The following KIF1A variants were observed in gnomAD, a reference collection of about 807,000 sequenced individuals.
The protein encoded by KIF1A is kinesin family member 1A.
A neutral mutation model predicts 227.3 loss-of-function variants in KIF1A; 46 were observed. That is an observed-to-expected ratio of 0.20 (90% CI 0.16 to 0.26). The LOEUF (loss-of-function observed/expected upper bound fraction) is 0.26, where lower values mean the gene tolerates loss of function less well. KIF1A is among the 10% of genes least tolerant of loss of function. The pLI, the probability that KIF1A is intolerant of heterozygous loss-of-function variation, is 1.00. For missense variants in KIF1A, 1,683 were observed against 2,485.9 expected (o/e 0.68, Z 6.87); for synonymous variants, 1,022 against 1,012.8 (o/e 1.01, Z -0.17).
In KIF1A at chr2:240,782,187, C is replaced by G. The variant is rs190797026; in HGVS notation, c.882+403G>C. The G allele has an allele frequency of 7.6e-5, 75 of 985,362 alleles. No homozygotes were observed. In the East Asian group the frequency reaches 6.7e-3, roughly 88 times the overall value. The allele number at this position is 985,362 out of a possible 1,614,324, so 61.0% of individuals were successfully genotyped here. ...CACACGCGCCCGCCTCCCCCTGTGG[C>G]CCCGTCACGCCTACGGCTGCTCAGA... On this transcript the variant is annotated intron_variant, in intron 10 of 48. Transcript: ENST00000498729.
At chr2:240,741,514 A>G (rs1575555453) in intron 34 of KIF1A, 137 bp from the exon 35 acceptor site, 1 of 635,780 alleles carries the variant, frequency 1.6e-6, no homozygotes, top group Non-Finnish European at 2.6e-6. Flanking sequence ...AAGGGAAACA[A>G]CCAGCCAACC....
intron 27 of KIF1A, among the ~76,000 whole-genome samples, chr2:240,753,811 C>T (rs887157901): frequency 2.0e-5 from 3 of 152,186 alleles, no homozygotes; most frequent in Non-Finnish European, 4.4e-5. Flanking sequence ...TATACCTCAT[C>T]GCACAGAGGA....
At chr2:240,741,130 C>T (rs2047906610) in intron 35 of KIF1A, 139 bp downstream of exon 35, 4 of 616,340 alleles carry the variant, frequency 6.5e-6, no homozygotes, top group Non-Finnish European at 1.2e-5. Flanking sequence ...AGGCCGGGCC[C>T]ACAAGAGGTC....
intron 1 of KIF1A, among the ~76,000 whole-genome samples, chr2:240,814,467 C>A (rs2058175999): frequency 1.3e-5 from 2 of 152,012 alleles, no homozygotes; most frequent in South Asian, 4.2e-4. Context: ...ACTCATGCAC[C>A]CTTTCAAGGA....
chr2:240,772,342 A>C (rs2052117482), intron 14 of KIF1A, among the ~76,000 whole-genome samples: 1 of 152,178 alleles, frequency 6.6e-6, no homozygotes, highest in African/African-American at 2.4e-5. Context: ...CATGTAGACC[A>C]TATGGGTGGG....
At chr2:240,770,146 C>A (rs116324679) in intron 15 of KIF1A, among the ~76,000 whole-genome samples, 163 of 152,336 alleles carry the variant, frequency 1.1e-3, no homozygotes, top group African/African-American at 3.7e-3. Flanking sequence ...ACAGGCCCAA[C>A]CTCGCCCCCA....
rs1334700116 is a variant in KIF1A, at chr2:240,775,699, G to A, written c.958+152C>T. 6.6e-6 allele frequency among the ~76,000 whole-genome samples: 1 copy of A among 152,142 alleles called. No individual in the cohort carries two copies. Among genetic ancestry groups the A allele is most frequent in the Non-Finnish European group, 1.5e-5 (1 of 68,028 alleles). On this transcript the variant is annotated intron_variant, in intron 11 of 48. Transcript: ENST00000498729. This position sits in a 1 kb window ranked among gnomAD's most constrained non-coding sequence, Gnocchi z 5.5. Reference sequence around the variant, plus strand: ...GCCCCAGGTCCTCCAGAAGGGCCACGAACTGACTGGACCCTCCAGGTTCAC... The same window carrying A: ...GCCCCAGGTCCTCCAGAAGGGCCACAAACTGACTGGACCCTCCAGGTTCAC...
chr2:240,728,371 G>A, intron 38 of KIF1A: 1 of 1,297,494 alleles, frequency 7.7e-7, no homozygotes, highest in Non-Finnish European at 1.0e-6. Context: ...AAGGGCGGAA[G>A]AGAAAAGTGA....
At chr2:240,746,825 G>T (rs369768936) in intron 29 of KIF1A, among the ~76,000 whole-genome samples, 2 of 152,234 alleles carry the variant, frequency 1.3e-5, no homozygotes, top group East Asian at 1.9e-4. Flanking sequence ...GCAGCCTCAG[G>T]GGGGCAGCCC....
chr2:240,748,649 C>G (rs2048871523), intron 28 of KIF1A: 1 of 298,728 alleles, frequency 3.3e-6, no homozygotes, highest in Non-Finnish European at 7.2e-6. Context: ...TATTGCAGCC[C>G]TGGTAAACAC....
Position 240,760,801 on chromosome 2 carries a change from G to A in KIF1A, c.2308C>T (p.Pro770Ser), listed in dbSNP as rs1410756514. 2.5e-6 allele frequency: 4 copies of A among 1,607,052 alleles called. No homozygotes were observed. The highest frequency in any genetic ancestry group is 2.3e-5 in the East Asian group (1 of 44,302). ...GGGGGCAGCAGGTCGGGTGGCAGAG[G>A]GGAGTAGAGTGTGTCCGTCAGGAGG... ...FVLLTDTLYS[P>S]LPPDLLPPEA... is the part of the protein sequence containing the mutation. Residue 770 changes from proline (P) to serine (S), a missense_variant, in exon 25 of 49, where the codon CCT (proline) becomes TCT (serine). Physicochemically the swap from Pro to Ser is moderately conservative, Grantham distance 74. Transcript: ENST00000498729.
At chr2:240,719,985 C>T (rs979195520) in intron 45 of KIF1A, 59 bp from the exon 46 acceptor site, 2 of 1,508,720 alleles carry the variant, frequency 1.3e-6, no homozygotes, top group South Asian at 2.6e-5. Context: ...GGGCCGTCTT[C>T]CCCCAGGCTT....
intron 8 of KIF1A, among the ~76,000 whole-genome samples, 194 bp from the exon 9 acceptor site, chr2:240,783,303 C>T (rs1211515908): frequency 1.3e-5 from 2 of 152,164 alleles, no homozygotes; most frequent in Non-Finnish European, 2.9e-5. Flanking sequence ...GCATGTCCCC[C>T]AGTGTTGCCC....
intron 23 of KIF1A, among the ~76,000 whole-genome samples, chr2:240,762,444 CGT>C (rs1295550225): frequency 2.0e-5 from 3 of 152,204 alleles, no homozygotes; most frequent in Non-Finnish European, 4.4e-5. Context: ...TGTGTGTGCA[CGT>C]GTGTACATGT....
At chr2:240,812,504 TTGGGGATCCACCTTCACC>T (rs1185536429) in intron 1 of KIF1A, among the ~76,000 whole-genome samples, 83 of 151,854 alleles carry the variant, frequency 5.5e-4, no homozygotes, top group African/African-American at 1.9e-3. Context: ...TGCCTTCACC[TTGGGGATCCACCTTCACC>T]TGGGGATCCA....
intron 17 of KIF1A, among the ~76,000 whole-genome samples, chr2:240,768,631 A>T (rs1261978762): frequency 6.6e-6 from 1 of 152,120 alleles, no homozygotes; most frequent in East Asian, 1.9e-4. Flanking sequence ...TACACTCTGA[A>T]GCAGCTGCCC....
rs750539121 is a variant in KIF1A at position 240,788,234 on chromosome 2, G to A, written c.184-4C>T. 1.2e-6 allele frequency: 2 copies of A among 1,613,490 alleles called. No individual in the cohort carries two copies. Among genetic ancestry groups the A allele is most frequent in the Non-Finnish European group, 1.7e-6 (2 of 1,179,762 alleles). On this transcript the variant is annotated splice_polypyrimidine_tract_variant and splice_region_variant and intron_variant, in intron 3 of 48. Transcript: ENST00000498729. This position sits in a 1 kb window ranked among gnomAD's most constrained non-coding sequence, Gnocchi z 6.6. ...ACGCGTAGTTGATGTCCTCAGGCTG[G>A]AGGACGAGGAAGGAATGAAGTTGCA...
At position 240,766,150 on chromosome 2, in the gene KIF1A, G is replaced by C. The variant is rs2125920622; in HGVS notation, c.1685-357C>G. 6.6e-6 allele frequency among the ~76,000 whole-genome samples: 1 copy of C among 152,378 alleles called. No homozygotes were observed. The highest frequency in any genetic ancestry group is 2.4e-5 in the African/African-American group (1 of 41,602). On this transcript the variant is annotated intron_variant, in intron 19 of 48. Coordinates refer to ENST00000498729, the MANE Select transcript of KIF1A (RefSeq NM_001244008.2). This position sits in a 1 kb window ranked among gnomAD's most constrained non-coding sequence, Gnocchi z 5.0. ...CGTCCCACAGGAGAGGGTAGGCAGG[G>C]CTTTGCAGTCAGAGAATTCCAGGAG...
intron 10 of KIF1A, among the ~76,000 whole-genome samples, chr2:240,777,595 T>C (rs2052924061): frequency 6.6e-6 from 1 of 152,182 alleles, no homozygotes; most frequent in Non-Finnish European, 1.5e-5. Context: ...CCTTCCATCC[T>C]GACTTGCCGC....
Sources: gnomAD v4.1 joint callset for allele counts (sites outside exome capture counted in the v4.1 genomes callset) on GRCh38, gnomAD v4.1.1 for gene constraint, Gnocchi (gnomAD v3.1) non-coding constraint, MANE v1.5 for transcripts, NCBI Gene and HGNC (gene_info 2026-07-23, HGNC 2026-07-21) for gene names.